Variants in OLFM3 observed in about 807,000 individuals in gnomAD.
OLFM3 encodes noelin-3.
OLFM3 carries 20 observed loss-of-function variants against 48.6 expected under a neutral mutation model. The observed-to-expected ratio is 0.41, with a 90% CI of 0.29 to 0.60. The LOEUF (loss-of-function observed/expected upper bound fraction) is 0.60, where lower values mean the gene tolerates loss of function less well. Among genes scored for constraint, OLFM3 ranks in the 20% least tolerant of loss-of-function variants. The pLI, the probability that OLFM3 is intolerant of heterozygous loss-of-function variation, is 0.28. For synonymous variants in OLFM3, 222 were observed against 198.1 expected, an observed-to-expected ratio of 1.12 and a Z score of -1.01; for missense variants, 437 against 544.3, an observed-to-expected ratio of 0.80 and a Z score of 1.96.
chr1:101,877,675 T>A (rs1423444212), intron 1 of OLFM3, among the ~76,000 whole-genome samples: 1 of 151,882 alleles, frequency 6.6e-6, no homozygotes, highest in African/African-American at 2.4e-5. Flanking sequence ...TCAACCTGTT[T>A]TTTTTTTAAA....
chr1:101,803,886 T>C lies in OLFM3; in HGVS notation c.*352A>G. 1 of 160,850 alleles carries C rather than the reference T, an allele frequency of 6.2e-6. No individual in the cohort carries two copies. Among genetic ancestry groups the C allele is most frequent in the Non-Finnish European group, 1.3e-5 (1 of 74,194 alleles). The allele number at this position is 160,850 out of a possible 1,614,324, so 10.0% of individuals were successfully genotyped here. ...GCAAAAGACAGTAAAAAATGACAGT[T>C]TTAAAAAAAAAGACATTCGTGCATT... is the stretch of plus-strand genomic sequence containing the variant. On this transcript the variant is annotated 3_prime_UTR_variant, in exon 6 of 6. Transcript: ENST00000370103.
At chr1:101,986,041 C>A (rs1329452326) in intron 1 of OLFM3, among the ~76,000 whole-genome samples, 3 of 150,992 alleles carry the variant, frequency 2.0e-5, no homozygotes, top group Non-Finnish European at 4.4e-5. Context: ...TCTCGGCTCA[C>A]TGCAAGCTCC....
At chr1:101,812,456 A>G in intron 4 of OLFM3, 1 of 985,344 alleles carries the variant, frequency 1.0e-6, no homozygotes, top group Non-Finnish European at 1.2e-6. Context: ...AGAAGACACA[A>G]TTCTGGTATT....
intron 1 of OLFM3, among the ~76,000 whole-genome samples, chr1:101,923,859 T>C (rs896904098): frequency 3.3e-5 from 5 of 152,168 alleles, no homozygotes; most frequent in African/African-American, 1.2e-4. Flanking sequence ...CTTCCATACA[T>C]ATTTTTTAAA....
At position 101,804,551 on chromosome 1, in the gene OLFM3, T is replaced by C; in HGVS notation, c.1064A>G (p.Asn355Ser). The C allele has an allele frequency of 6.2e-7, 1 of 1,612,664 alleles. No homozygotes were observed. Among genetic ancestry groups the C allele is most frequent in the Admixed American group, 1.7e-5 (1 of 59,830 alleles). The change falls in exon 6 of 6, where the codon AAC (asparagine) becomes AGC (serine). Residue 355 changes from asparagine (N) to serine (S), a missense_variant. Asn to Ser is a conservative substitution (Grantham distance 46). This residue lies in a region of OLFM3 where 108 missense variants were observed against 135.8 expected (regional missense o/e 0.80). Transcript: ENST00000370103. The surrounding 1 kb of genome is among the most constrained non-coding windows in gnomAD (Gnocchi z 4.5). ...CTTCATCACCTCCAAGGTATCTTGGTTAAGTTGGCTGATGACAATATTGCC... is the reference window on the plus strand; with the variant it reads ...CTTCATCACCTCCAAGGTATCTTGGCTAAGTTGGCTGATGACAATATTGCC... ...NAGNIVISQL[N>S]QDTLEVMKSW...
intron 1 of OLFM3, among the ~76,000 whole-genome samples, chr1:101,851,299 G>A (rs1318521107): frequency 6.6e-6 from 1 of 152,130 alleles, no homozygotes; most frequent in South Asian, 2.1e-4. Context: ...TCTGTAAAAT[G>A]AAGATAGAAG....
rs570473786 is a variant in OLFM3, at chr1:101,942,343, T to C, written c.69+54405A>G. 2.2e-4 allele frequency among the ~76,000 whole-genome samples: 33 copies of C among 152,338 alleles called. No homozygotes were observed. The South Asian group carries it at 5.8e-3, about 27-fold the overall frequency. ...GGGGTGCTGTAACAATCAGGTTTAA[T>C]AACTGAAGAGTTTATGTGAAAAAGC... On this transcript the variant is annotated intron_variant, in intron 1 of 5. Transcript: ENST00000370103.
At chr1:101,901,066 C>T (rs947491673) in intron 1 of OLFM3, among the ~76,000 whole-genome samples, 2 of 151,922 alleles carry the variant, frequency 1.3e-5, no homozygotes, top group Admixed American at 6.6e-5. Flanking sequence ...TTCCTCAGAG[C>T]CTACTATATG....
intron 1 of OLFM3, among the ~76,000 whole-genome samples, chr1:101,976,737 C>A (rs1324218897): frequency 1.3e-5 from 2 of 152,064 alleles, no homozygotes; most frequent in African/African-American, 4.8e-5. Context: ...AGTTTTTAAC[C>A]ACTTATGGTA....
In OLFM3 at chr1:101,825,145, C is replaced by T. The variant is rs753751570; in HGVS notation, c.473G>A (p.Arg158Lys). The T allele has an allele frequency of 8.1e-6, 13 of 1,614,052 alleles. No individual in the cohort carries two copies. In the Admixed American group the frequency reaches 1.7e-4, roughly 21 times the overall value. Residue 158 changes from arginine to lysine, a missense_variant, in exon 4 of 6, where the codon AGG becomes AAG. Around this residue, in one of 3 missense-constraint regions of OLFM3, gnomAD observed 314 missense variants for 365.5 expected, o/e 0.86. Transcript: ENST00000370103. ...ACCAGTGAGGACAGCAGACAGATTC[C>T]TTATTTCCTCCTTGAACTGGGTGAT... is the stretch of plus-strand genomic sequence containing the variant. The part of the protein sequence containing the change: ...KLITQFKEEI[R>K]NLSAVLTGIQ...
chr1:101,811,387 T>C (rs558695454), intron 4 of OLFM3, among the ~76,000 whole-genome samples: 2 of 152,104 alleles, frequency 1.3e-5, no homozygotes, highest in Non-Finnish European at 2.9e-5. Flanking sequence ...GAAACTACCA[T>C]CAGAGTGAAC....
At chr1:101,815,892 T>C (rs955034195) in intron 4 of OLFM3, among the ~76,000 whole-genome samples, 1 of 152,160 alleles carries the variant, frequency 6.6e-6, no homozygotes, top group Non-Finnish European at 1.5e-5. Context: ...ACATATTGCC[T>C]CAGAGGGAAG....
chr1:101,882,687 C>T (rs1007899243), intron 1 of OLFM3: 4 of 151,710 alleles, frequency 2.6e-5, no homozygotes, highest in Admixed American at 6.6e-5. Context: ...CAGAAGACCA[C>T]AATCTAGATA....
Position 101,806,093 on chromosome 1 carries a change from A to G in OLFM3, c.682T>C (p.Ser228Pro). 1 of 1,611,570 alleles carries G rather than the reference A, an allele frequency of 6.2e-7. No homozygotes were observed. The highest frequency in any genetic ancestry group is 1.1e-5 in the South Asian group (1 of 90,994). The change falls in exon 5 of 6, where the codon TCT (serine) becomes CCT (proline). Residue 228 changes from serine to proline, a missense_variant. Ser to Pro is a moderately conservative substitution (Grantham distance 74). Around this residue, in one of 3 missense-constraint regions of OLFM3, gnomAD observed 314 missense variants for 365.5 expected, o/e 0.86. Transcript: ENST00000370103. ...AAACATACTCTGTTGTTTTTCTCAG[A>G]TGCTAAAGGGTCTGTCATCCAAGCA... The part of the protein sequence containing the change: ...FGAWMTDPLA[S>P]EKNNRVWYMD...
At position 101,804,613 on chromosome 1, in the gene OLFM3, G is replaced by A. The variant is rs752339884; in HGVS notation, c.1002C>T (p.Ile334=). 6.0e-5 allele frequency: 96 copies of A among 1,612,420 alleles called. No homozygotes were observed. Among genetic ancestry groups the A allele is most frequent in the Non-Finnish European group, 7.1e-5 (84 of 1,179,152 alleles). Residue 334 remains isoleucine (I), a synonymous_variant, in exon 6 of 6, where the codon ATC becomes ATT. Transcript: ENST00000370103. This position sits in a 1 kb window ranked among gnomAD's most constrained non-coding sequence, Gnocchi z 4.5. ...TAGTTGCATACACAGCCCACAGCCCGATTTCATCAGCCATTAGGTCGATGT... is the reference window on the plus strand; with the variant it reads ...TAGTTGCATACACAGCCCACAGCCCAATTTCATCAGCCATTAGGTCGATGT... ...FSDIDLMADE[I]GLWAVYATNQ...
chr1:101,896,482 T>C (rs1318480178), intron 1 of OLFM3, among the ~76,000 whole-genome samples: 2 of 147,146 alleles, frequency 1.4e-5, no homozygotes, highest in Non-Finnish European at 3.0e-5. Context: ...TTAGCATGCT[T>C]ACACACTTTT....
intron 1 of OLFM3, among the ~76,000 whole-genome samples, chr1:101,866,029 T>C (rs921700157): frequency 6.6e-5 from 10 of 152,168 alleles, no homozygotes; most frequent in African/African-American, 1.7e-4. Context: ...AAAACAGCAA[T>C]CATATTTCAT....
intron 1 of OLFM3, among the ~76,000 whole-genome samples, chr1:101,838,663 T>C (rs1478435783): frequency 2.6e-5 from 4 of 152,078 alleles, no homozygotes; most frequent in East Asian, 3.9e-4. Flanking sequence ...GCTATTTTAG[T>C]AGAGTTGGAT....
chr1:101,896,741 C>A (rs1178036505), intron 1 of OLFM3, among the ~76,000 whole-genome samples: 3 of 149,280 alleles, frequency 2.0e-5, no homozygotes, highest in Admixed American at 6.7e-5. Context: ...ACCTTGTGAT[C>A]CGCCCGCCTC....
Sources: gnomAD v4.1 joint callset for allele counts (sites outside exome capture counted in the v4.1 genomes callset) on GRCh38, gnomAD v4.1.1 for gene constraint, gnomAD v4.1.1 regional missense constraint, Gnocchi (gnomAD v3.1) non-coding constraint, MANE v1.5 for transcripts, NCBI Gene and HGNC (gene_info 2026-07-23, HGNC 2026-07-21) for gene names.